C12orf42: variants seen among roughly 807,000 people sequenced by gnomAD.
The protein encoded by C12orf42 is uncharacterized protein C12orf42.
C12orf42 carries 25 observed loss-of-function variants against 21.6 expected under a neutral mutation model. The observed-to-expected ratio is 1.16, with a 90% CI of 0.84 to 1.62. The LOEUF is 1.62. C12orf42 is among the 40% of genes most tolerant of loss of function. The pLI, the probability that C12orf42 is intolerant of heterozygous loss-of-function variation, is 0.00. For missense variants in C12orf42, 483 were observed against 459.3 expected, an observed-to-expected ratio of 1.05 and a Z score of -0.47; for synonymous variants, 174 against 175.0, an observed-to-expected ratio of 0.99 and a Z score of 0.05.
At chr12:103,439,644 A>C (rs1053682512) in intron 2 of C12orf42, among the ~76,000 whole-genome samples, 62 of 150,902 alleles carry the variant, frequency 4.1e-4, no homozygotes, top group African/African-American at 1.3e-3. Context: ...GCAGCCAAAA[A>C]ACACATGAAA....
At chr12:103,453,669 G>T (rs888293979) in intron 2 of C12orf42, among the ~76,000 whole-genome samples, 1 of 151,540 alleles carries the variant, frequency 6.6e-6, no homozygotes, top group Non-Finnish European at 1.5e-5. Flanking sequence ...GGCTTTATTC[G>T]CTGTTTCCTC....
At chr12:103,460,136 A>G (rs934531373) in intron 2 of C12orf42, among the ~76,000 whole-genome samples, 2 of 152,188 alleles carry the variant, frequency 1.3e-5, no homozygotes, top group East Asian at 3.8e-4. Flanking sequence ...ATTTTACACA[A>G]TTGAAATTTA....
chr12:103,079,972 T>C, the C12orf42 span, among the ~76,000 whole-genome samples: 1 of 152,192 alleles, frequency 6.6e-6, no homozygotes, highest in Non-Finnish European at 1.5e-5. Flanking sequence ...TAGTCTGTAA[T>C]TGGAAAATTA....
chr12:103,404,170 T>C (rs2048252256), intron 2 of C12orf42, among the ~76,000 whole-genome samples: 1 of 152,206 alleles, frequency 6.6e-6, no homozygotes, highest in Non-Finnish European at 1.5e-5. Context: ...TACAAATAGC[T>C]GCATATATTG....
At chr12:103,053,873 CTT>C in the C12orf42 span, among the ~76,000 whole-genome samples, 1 of 151,834 alleles carries the variant, frequency 6.6e-6, no homozygotes, top group Non-Finnish European at 1.5e-5. Flanking sequence ...CATCCAGTCT[CTT>C]TTTCACTTTG....
the C12orf42 span, among the ~76,000 whole-genome samples, chr12:103,172,780 A>T: frequency 6.6e-6 from 1 of 152,164 alleles, no homozygotes; most frequent in Admixed American, 6.6e-5. Flanking sequence ...CAAAAGAAGA[A>T]CATAGTATAA....
chr12:103,218,280 A>C, the C12orf42 span, among the ~76,000 whole-genome samples: 1 of 111,494 alleles, frequency 9.0e-6, no homozygotes. Flanking sequence ...ACTCCGCTTC[A>C]AAAAAAAAAA....
At chr12:103,170,195 T>C in the C12orf42 span, among the ~76,000 whole-genome samples, 1 of 152,154 alleles carries the variant, frequency 6.6e-6, no homozygotes, top group African/African-American at 2.4e-5. Flanking sequence ...AGATTTCCAT[T>C]GTCAAGTCTC....
chr12:103,549,331 T>G, the C12orf42 span, among the ~76,000 whole-genome samples: 1 of 152,212 alleles, frequency 6.6e-6, no homozygotes, highest in African/African-American at 2.4e-5. Flanking sequence ...GGAGGTCCCA[T>G]GCGTGTCTCA....
the C12orf42 span, among the ~76,000 whole-genome samples, chr12:103,132,707 A>G: frequency 3.3e-5 from 5 of 152,186 alleles, no homozygotes; most frequent in East Asian, 1.9e-4. Context: ...AGCATGAACC[A>G]TTAGTAAAGA....
chr12:103,199,693 T>A, the C12orf42 span, among the ~76,000 whole-genome samples: 298 of 152,162 alleles, frequency 2.0e-3, 2 homozygotes, highest in African/African-American at 7.1e-3. Context: ...AGACACACAA[T>A]TGAACACCAG....
At chr12:103,260,692 G>A (rs1257594685) in intron 10 of C12orf42, among the ~76,000 whole-genome samples, 3 of 152,198 alleles carry the variant, frequency 2.0e-5, no homozygotes, top group Non-Finnish European at 2.9e-5. Context: ...TGGCCAAAAA[G>A]ATCTTCAGAG....
At chr12:103,130,343 A>T in the C12orf42 span, among the ~76,000 whole-genome samples, 1 of 150,478 alleles carries the variant, frequency 6.6e-6, no homozygotes, top group African/African-American at 2.5e-5. Context: ...TATTCTAAAA[A>T]TTCCATACTA....
At chr12:103,065,008 C>G in the C12orf42 span, among the ~76,000 whole-genome samples, 1 of 152,296 alleles carries the variant, frequency 6.6e-6, no homozygotes, top group South Asian at 2.1e-4. Context: ...CCCACATTGG[C>G]TCCCTGACTG....
At chr12:103,168,036 A>G in the C12orf42 span, 1 of 455,816 alleles carries the variant, frequency 2.2e-6, no homozygotes, top group Non-Finnish European at 4.4e-6. Context: ...ATCTCTTTAT[A>G]GGTGAGGGAG....
At chr12:103,521,096 T>C in the C12orf42 span, among the ~76,000 whole-genome samples, 1 of 152,174 alleles carries the variant, frequency 6.6e-6, no homozygotes, top group Non-Finnish European at 1.5e-5. Flanking sequence ...GCATTAAACT[T>C]TTCAGCTCCA....
intron 3 of C12orf42, among the ~76,000 whole-genome samples, chr12:103,395,573 G>A (rs903908981): frequency 2.0e-5 from 3 of 152,128 alleles, no homozygotes; most frequent in South Asian, 2.1e-4. Flanking sequence ...CTGACCGAGC[G>A]ATCTGCCCGC....
At chr12:103,340,909 C>T (rs1267555483) in intron 4 of C12orf42, among the ~76,000 whole-genome samples, 13 of 151,998 alleles carry the variant, frequency 8.6e-5, no homozygotes, top group Admixed American at 3.9e-4. Context: ...GTCAGGAGAT[C>T]GAGACCATCC....
chr12:103,393,188 G>A (rs1302319291), intron 3 of C12orf42, among the ~76,000 whole-genome samples: 1 of 152,178 alleles, frequency 6.6e-6, no homozygotes, highest in Admixed American at 6.5e-5. Flanking sequence ...TTGGCTCACA[G>A]GGATCTGCAG....
Sources: allele counts gnomAD v4.1 joint callset (sites outside exome capture counted in the v4.1 genomes callset), GRCh38; gene constraint gnomAD v4.1.1; transcripts MANE v1.5; gene names NCBI Gene and HGNC (gene_info 2026-07-23, HGNC 2026-07-21).